ATM: variants seen among roughly 807,000 people sequenced by gnomAD.
The protein encoded by ATM is serine-protein kinase ATM.
ATM carries 308 observed loss-of-function variants against 387.0 expected under a neutral mutation model. The observed-to-expected ratio is 0.80, with a 90% CI of 0.73 to 0.87. The LOEUF is 0.87. ATM is among the 40% of genes least tolerant of loss of function. The pLI, the probability that ATM is intolerant of heterozygous loss-of-function variation, is 0.00. For synonymous variants in ATM, 1,156 were observed against 1,187.3 expected (o/e 0.97, Z 0.54); for missense variants, 3,312 against 3,560.9 (o/e 0.93, Z 1.78).
chr11:108,330,033 G>A (rs1021304287), intron 49 of ATM, among the ~76,000 whole-genome samples, 181 bp from the exon 50 acceptor site: 24 of 152,228 alleles, frequency 1.6e-4, no homozygotes, highest in African/African-American at 5.3e-4. Context: ...GCTTAGGAAG[G>A]TGTGTGAATT....
rs587780622 is a variant in ATM, at chr11:108,287,662, T to C, written c.4056T>C (p.His1352=). The C allele has an allele frequency of 1.2e-6, 2 of 1,613,912 alleles. No homozygotes were observed. The highest frequency in any genetic ancestry group is 2.7e-5 in the African/African-American group (2 of 75,060). The change falls in exon 27 of 63, where the codon CAT becomes CAC. Residue 1352 remains histidine, a synonymous_variant. Transcript: ENST00000675843. ...EIVVELLMTL[H]EPANSSASQS... ...TGGTGGAGTTATTGATGACGTTACA[T>C]GAGCCAGCAAATTCTAGTGCCAGTC...
At chr11:108,353,188 G>A (rs943872441) in intron 59 of ATM, among the ~76,000 whole-genome samples, 3 of 150,938 alleles carry the variant, frequency 2.0e-5, no homozygotes, top group South Asian at 4.2e-4. Context: ...CACTCTTGTC[G>A]CCCAGGCTGG....
intron 31 of ATM, among the ~76,000 whole-genome samples, chr11:108,294,435 G>A (rs535205864): frequency 1.3e-5 from 2 of 152,222 alleles, no homozygotes; most frequent in Admixed American, 1.3e-4. Flanking sequence ...CCATGAGAGA[G>A]TCTATTAGAA....
rs553744385 is a variant in ATM at position 108,327,522 on chromosome 11, CT to C, written c.6976-114del. The stretch of plus-strand genomic sequence containing the variant: ...TATGGCAAAAGCAGATGAGGAAAAA[CT>C]TTTTTTTTCCCACCCACCAAGGAAA... On this transcript the variant is annotated intron_variant, in intron 47 of 62. Transcript: ENST00000675843. The C allele has an allele frequency of 1.4e-4, 101 of 736,186 alleles. No individual in the cohort carries two copies. The Middle Eastern group carries it at 1.6e-3, about 11-fold the overall frequency. 45.6% of individuals were successfully genotyped at this position (736,186 alleles called of 1,614,324 possible).
intron 5 of ATM, 21 bp from the exon 6 acceptor site, chr11:108,243,931 AT>A: frequency 7.0e-7 from 1 of 1,431,334 alleles, no homozygotes; most frequent in Non-Finnish European, 9.6e-7. Context: ...ATCATGACTA[AT>A]AATTTTTTTT....
In ATM at chr11:108,335,910, G is replaced by A. The variant is rs759069006; in HGVS notation, c.8217G>A (p.Leu2739=). The A allele has an allele frequency of 6.2e-6, 10 of 1,613,880 alleles. No individual in the cohort carries two copies. The highest frequency in any genetic ancestry group is 7.6e-6 in the Non-Finnish European group (9 of 1,179,956). ...TCTTCCAGATGTGTAATACATTACT[G>A]CAGAGAAACACGGAAACTAGGAAGA... ...QQVFQMCNTL[L]QRNTETRKRK... The change falls in exon 56 of 63, where the codon CTG becomes CTA. Residue 2739 remains leucine (L), a synonymous_variant. Transcript: ENST00000675843.
At chr11:108,303,101 C>T (rs2135932764) in intron 36 of ATM, 72 bp downstream of exon 36, 1 of 1,388,818 alleles carries the variant, frequency 7.2e-7, no homozygotes, top group Non-Finnish European at 1.0e-6. Context: ...TGTGATACTG[C>T]ACATCATCTT....
chr11:108,266,554 G>A (rs1250369058), intron 16 of ATM, among the ~76,000 whole-genome samples: 97 of 151,190 alleles, frequency 6.4e-4, no homozygotes, highest in Non-Finnish European at 1.2e-3. Flanking sequence ...GTTAGTGGGT[G>A]CAGCACACCA....
rs4987901 is a variant in ATM at position 108,228,248 on chromosome 11, G to C, written c.185+360G>C. Reference sequence around the variant, plus strand: ...CCTTTAAATATTACTCTGATTATAAGTAAATGCTGTGTGTTAAATTGTAAT... The same window carrying C: ...CCTTTAAATATTACTCTGATTATAACTAAATGCTGTGTGTTAAATTGTAAT... On this transcript the variant is annotated intron_variant, in intron 3 of 62. Coordinates refer to ENST00000675843, the MANE Select transcript of ATM (RefSeq NM_000051.4). Among the ~76,000 whole-genome samples, 266 of 152,230 alleles carry C rather than the reference G, an allele frequency of 1.7e-3. 1 individual carries two copies. The highest frequency in any genetic ancestry group is 6.2e-3 in the African/African-American group (258 of 41,548).
At chr11:108,282,021 G>A (rs776824770) in intron 24 of ATM, among the ~76,000 whole-genome samples, 4 of 151,998 alleles carry the variant, frequency 2.6e-5, no homozygotes, top group South Asian at 2.1e-4. Flanking sequence ...GCTGGAGTGC[G>A]GTGATGTGAT....
Position 108,343,266 on chromosome 11 carries a change from A to G in ATM, c.8313A>G (p.Thr2771=), listed in dbSNP as rs1555135563. The change falls in exon 57 of 63, where the codon ACA becomes ACG. Residue 2771 remains threonine (T), a synonymous_variant. Coordinates refer to ENST00000675843, the MANE Select transcript of ATM (RefSeq NM_000051.4). ...GAAGTGGTGTTCTTGAATGGTGCAC[A>G]GGAACTGTCCCCATTGGTGAATTTC... ...SQRSGVLEWC[T]GTVPIGEFLV... is the part of the protein sequence containing the mutation. 2 of 1,614,042 alleles carry G rather than the reference A, an allele frequency of 1.2e-6. No homozygotes were observed. Among genetic ancestry groups the G allele is most frequent in the Admixed American group, 1.7e-5 (1 of 60,008 alleles).
rs1195374830 is a variant in ATM at position 108,367,832 on chromosome 11, G to GT, written c.*2325dup. 1 of 208,480 alleles carries GT rather than the reference G, an allele frequency of 4.8e-6. No individual in the cohort carries two copies. Among genetic ancestry groups the GT allele is most frequent in the Non-Finnish European group, 9.8e-6 (1 of 102,312 alleles). The allele number at this position is 208,480 out of a possible 1,614,324, so 12.9% of individuals were successfully genotyped here. ...TTTCAAATTACAAACTTACCTTGGT[G>GT]TATCTTTTTCTTACAAGCTGCCTAA... On this transcript the variant is annotated 3_prime_UTR_variant, in exon 63 of 63. Transcript: ENST00000675843.
rs1022749061 is a variant in ATM, at chr11:108,244,504, T to G, written c.663-284T>G. Among the ~76,000 whole-genome samples the G allele has an allele frequency of 2.0e-5, 3 of 152,230 alleles. No homozygotes were observed. In the East Asian group the frequency reaches 5.8e-4, roughly 29 times the overall value. On this transcript the variant is annotated intron_variant, in intron 6 of 62. Transcript: ENST00000675843. ...TACTCAATGTATAATGTGAAACATT[T>G]TATAAATGGTGTTACAAATCAGTTT...
At chr11:108,280,959 T>A in intron 23 of ATM, 36 bp from the exon 24 acceptor site, 4 of 1,550,934 alleles carry the variant, frequency 2.6e-6, no homozygotes, top group Non-Finnish European at 3.5e-6. Context: ...AACATTTACA[T>A]TTTACATTAC....
At chr11:108,320,750 C>T (rs925941331) in intron 44 of ATM, among the ~76,000 whole-genome samples, 3 of 152,168 alleles carry the variant, frequency 2.0e-5, no homozygotes, top group Non-Finnish European at 2.9e-5. Flanking sequence ...GTTAGGAGTG[C>T]TGAGCCCCTC....
At chr11:108,280,851 A>G in intron 23 of ATM, 144 bp from the exon 24 acceptor site, 1 of 712,840 alleles carries the variant, frequency 1.4e-6, no homozygotes, top group South Asian at 2.0e-5. Flanking sequence ...TTCTTGTACC[A>G]AAAGACAGAA....
In ATM at chr11:108,345,896, AC is replaced by A; in HGVS notation, c.8573del (p.Thr2858IlefsTer20). On this transcript the variant is annotated frameshift_variant, in exon 58 of 63. Transcript: ENST00000675843. LOFTEE classifies it high-confidence loss of function. ...KRLAYTRSVA[T>X]SSIVGYILGL... ...ATTGGCTTATACGCGCAGTGTAGCTACTTCTTCTATTGGTAATCTTCTTGTA... is the reference window on the plus strand; with the variant it reads ...ATTGGCTTATACGCGCAGTGTAGCTATTCTTCTATTGGTAATCTTCTTGTA... 6.2e-7 allele frequency: 1 copy of A among 1,613,662 alleles called. No individual in the cohort carries two copies. The highest frequency in any genetic ancestry group is 8.5e-7 in the Non-Finnish European group (1 of 1,179,734).
chr11:108,368,347 A>G lies in ATM; in HGVS notation c.*2839A>G. 1 of 213,038 alleles carries G rather than the reference A, an allele frequency of 4.7e-6. No individual in the cohort carries two copies. The highest frequency in any genetic ancestry group is 5.9e-5 in the Admixed American group (1 of 17,094). The allele number at this position is 213,038 out of a possible 1,614,324, so 13.2% of individuals were successfully genotyped here. A position where few individuals can be genotyped will look rare whatever the true frequency, so the allele number is the denominator to read the frequency against. ...AACTCTTTCTGCAAATGACTAAGAT[A>G]GAAAACTGCCAAGGACAAATGAGGA... On this transcript the variant is annotated 3_prime_UTR_variant, in exon 63 of 63. Coordinates refer to ENST00000675843, the MANE Select transcript of ATM (RefSeq NM_000051.4).
intron 28 of ATM, among the ~76,000 whole-genome samples, 189 bp downstream of exon 28, chr11:108,289,292 G>C (rs1382959592): frequency 6.6e-6 from 1 of 152,122 alleles, no homozygotes; most frequent in Admixed American, 6.5e-5. Context: ...TGTTACATAT[G>C]AGAACAGAAT....
Sources: allele counts gnomAD v4.1 joint callset (sites outside exome capture counted in the v4.1 genomes callset), GRCh38; gene constraint gnomAD v4.1.1; transcripts MANE v1.5; gene names NCBI Gene and HGNC (gene_info 2026-07-23, HGNC 2026-07-21).